PHLPP2: variants seen among roughly 807,000 people sequenced by gnomAD.
PHLPP2 encodes the protein PH domain and leucine rich repeat protein phosphatase 2.
A neutral mutation model predicts 124.9 loss-of-function variants in PHLPP2; 66 were observed. The ratio of observed to expected loss-of-function variants is 0.53; its 90% CI spans 0.43 to 0.65. The LOEUF (loss-of-function observed/expected upper bound fraction) is 0.65, where lower values mean the gene tolerates loss of function less well. PHLPP2 is among the 30% of genes least tolerant of loss of function. The pLI is 0.00. For missense variants in PHLPP2, 1,685 were observed against 1,600.4 expected (o/e 1.05, Z -0.90); for synonymous variants, 681 against 624.7 (o/e 1.09, Z -1.34).
chr16:71,672,472 C>A (rs2044903574), intron 9 of PHLPP2, 150 bp from the exon 10 acceptor site: 1 of 641,706 alleles, frequency 1.6e-6, no homozygotes. Context: ...ACTGAAAACT[C>A]ACTTTGACTA....
intron 9 of PHLPP2, among the ~76,000 whole-genome samples, chr16:71,673,940 C>A (rs985320559): frequency 6.6e-6 from 1 of 152,152 alleles, no homozygotes. Context: ...TAAAAGGCAA[C>A]GCAAACAGAA....
intron 10 of PHLPP2, among the ~76,000 whole-genome samples, chr16:71,671,042 C>A (rs1030457225): frequency 6.6e-6 from 1 of 152,022 alleles, no homozygotes; most frequent in Non-Finnish European, 1.5e-5. Context: ...GACAAAGAAC[C>A]AATAAGCTCC....
chr16:71,719,108 T>C (rs1172888646), intron 1 of PHLPP2, among the ~76,000 whole-genome samples: 1 of 152,374 alleles, frequency 6.6e-6, no homozygotes. Context: ...ACCATTCTAC[T>C]GGAATTGCTA....
rs2044654958 is a variant in PHLPP2, at chr16:71,646,609, A to T, written c.*2281T>A. 1 of 152,204 alleles carries T rather than the reference A, an allele frequency of 6.6e-6. No homozygotes were observed. The highest frequency in any genetic ancestry group is 2.1e-4 in the South Asian group (1 of 4,824). The allele number at this position is 152,204 out of a possible 1,614,324, so 9.4% of individuals were successfully genotyped here. The stretch of plus-strand genomic sequence containing the variant: ...AAAATAACTTTAATTTTTAGACATC[A>T]CTATTCTACAACCCGAAGGTTCTGC... On this transcript the variant is annotated 3_prime_UTR_variant, in exon 19 of 19. Transcript: ENST00000568954.
rs1220930240 is a variant in PHLPP2 at position 71,645,943 on chromosome 16, C to A, written c.*2947G>T. ...CATGTATTTTTCTTTCTTCCATGGACTCCTAAACTGCTCCCACAATCAGCA... is the reference window on the plus strand; with the variant it reads ...CATGTATTTTTCTTTCTTCCATGGAATCCTAAACTGCTCCCACAATCAGCA... On this transcript the variant is annotated 3_prime_UTR_variant, in exon 19 of 19. Coordinates refer to ENST00000568954, the MANE Select transcript of PHLPP2 (RefSeq NM_015020.3). The A allele has an allele frequency of 1.3e-5, 2 of 152,482 alleles. No individual in the cohort carries two copies. The highest frequency in any genetic ancestry group is 2.9e-5 in the Non-Finnish European group (2 of 68,056). The allele number at this position is 152,482 out of a possible 1,614,324, so 9.4% of individuals were successfully genotyped here.
chr16:71,681,697 A>G, intron 6 of PHLPP2, 54 bp downstream of exon 6: 4 of 1,400,956 alleles, frequency 2.9e-6, no homozygotes, highest in Non-Finnish European at 3.9e-6. Context: ...GCCATAAGAT[A>G]CTGATTATGA....
At chr16:71,681,626 T>C in intron 6 of PHLPP2, 125 bp downstream of exon 6, 1 of 679,984 alleles carries the variant, frequency 1.5e-6, no homozygotes, top group Non-Finnish European at 2.4e-6. Flanking sequence ...TAAACATTTT[T>C]ACTTCCTCTT....
intron 8 of PHLPP2, chr16:71,676,888 A>G (rs1314738415): frequency 1.5e-5 from 7 of 462,512 alleles, no homozygotes; most frequent in African/African-American, 1.2e-4. Flanking sequence ...TGCTGGGATT[A>G]GAATCACCCC....
chr16:71,657,555 C>T (rs866594875), intron 15 of PHLPP2, among the ~76,000 whole-genome samples: 15 of 151,450 alleles, frequency 9.9e-5, no homozygotes, highest in South Asian at 4.2e-4. Flanking sequence ...CCACCTCGCC[C>T]GGCTAATTTT....
At chr16:71,713,759 C>T (rs1009744018) in intron 2 of PHLPP2, among the ~76,000 whole-genome samples, 7 of 152,024 alleles carry the variant, frequency 4.6e-5, no homozygotes, top group South Asian at 2.1e-4. Flanking sequence ...CACATACTCA[C>T]GCATGGGCAC....
At chr16:71,652,235 T>A (rs1183748378) in intron 18 of PHLPP2, among the ~76,000 whole-genome samples, 2 of 152,230 alleles carry the variant, frequency 1.3e-5, no homozygotes, top group East Asian at 1.9e-4. Flanking sequence ...ACGGAATTCA[T>A]CACGGAATTC....
At chr16:71,693,853 C>A (rs976138300) in intron 3 of PHLPP2, among the ~76,000 whole-genome samples, 6 of 152,154 alleles carry the variant, frequency 3.9e-5, no homozygotes, top group African/African-American at 1.4e-4. Context: ...AGAACAGGGA[C>A]AGAAAACTTT....
At chr16:71,709,702 A>T (rs1025240769) in intron 2 of PHLPP2, among the ~76,000 whole-genome samples, 2 of 152,236 alleles carry the variant, frequency 1.3e-5, no homozygotes, top group African/African-American at 4.8e-5. Flanking sequence ...CAGCTGCAGG[A>T]ATGTGCATTC....
chr16:71,684,389 G>A, intron 5 of PHLPP2, 87 bp downstream of exon 5: 1 of 1,389,866 alleles, frequency 7.2e-7, no homozygotes, highest in Non-Finnish European at 1.0e-6. Context: ...GCCTCCCAAA[G>A]TGCTGGGATT....
chr16:71,702,746 C>CA lies in PHLPP2; in HGVS notation c.285-16dup, dbSNP rs2045244013. 2 of 1,533,490 alleles carry CA rather than the reference C, an allele frequency of 1.3e-6. No homozygotes were observed. The highest frequency in any genetic ancestry group is 1.8e-6 in the Non-Finnish European group (2 of 1,130,298). 95.0% of individuals were successfully genotyped at this position (1,533,490 alleles called of 1,614,324 possible). A position where few individuals can be genotyped will look rare whatever the true frequency, so the allele number is the denominator to read the frequency against. On this transcript the variant is annotated splice_polypyrimidine_tract_variant and intron_variant, in intron 2 of 18. Coordinates refer to ENST00000568954, the MANE Select transcript of PHLPP2 (RefSeq NM_015020.3). The stretch of plus-strand genomic sequence containing the variant: ...GTTCCAGTCTCCTGATTACACAATT[C>CA]AAAAAAATATATATATTTGGTAAGT...
intron 5 of PHLPP2, among the ~76,000 whole-genome samples, chr16:71,684,125 CTTTT>C (rs397816254): frequency 2.3e-4 from 27 of 118,834 alleles, no homozygotes; most frequent in South Asian, 1.1e-3. Context: ...TTGAGGTACT[CTTTT>C]TTTTTTTTTT....
intron 5 of PHLPP2, among the ~76,000 whole-genome samples, chr16:71,682,511 A>G (rs2045011515): frequency 6.6e-6 from 1 of 152,166 alleles, no homozygotes; most frequent in Non-Finnish European, 1.5e-5. Context: ...ATGATTCGAA[A>G]TAAATGGAAA....
At chr16:71,658,204 T>C (rs781069661) in intron 15 of PHLPP2, 29 bp downstream of exon 15, 14 of 1,605,552 alleles carry the variant, frequency 8.7e-6, no homozygotes, top group South Asian at 7.7e-5. Context: ...TAAGAGCACA[T>C]AGAGATTCCA....
intron 12 of PHLPP2, among the ~76,000 whole-genome samples, chr16:71,665,575 A>G (rs1482792897): frequency 6.6e-6 from 1 of 152,212 alleles, no homozygotes; most frequent in Non-Finnish European, 1.5e-5. Context: ...ATATTGAAAT[A>G]TAAGTTTTAC....
Sources: allele counts gnomAD v4.1 joint callset (sites outside exome capture counted in the v4.1 genomes callset), GRCh38; gene constraint gnomAD v4.1.1; transcripts MANE v1.5; gene names NCBI Gene and HGNC (gene_info 2026-07-23, HGNC 2026-07-21).